NKTR: variants seen among roughly 807,000 people sequenced by gnomAD.
NKTR encodes the protein natural killer cell triggering receptor.
In NKTR, 67 loss-of-function variants were observed where a neutral mutation model predicts 156.3. The observed-to-expected ratio is 0.43, with a 90% confidence interval of 0.35 to 0.53. NKTR has a LOEUF of 0.53. Ranked by LOEUF, NKTR falls within the 20% of genes least tolerant of loss-of-function variation. The pLI, the probability that NKTR is intolerant of heterozygous loss-of-function variation, is 0.01. For missense variants in NKTR, 1,604 were observed against 1,730.9 expected, an observed-to-expected ratio of 0.93 and a Z score of 1.30; for synonymous variants, 640 against 596.6, an observed-to-expected ratio of 1.07 and a Z score of -1.06.
chr3:42,644,557 A>G (rs907496134), intron 16 of NKTR, among the ~76,000 whole-genome samples: 57 of 152,144 alleles, frequency 3.7e-4, no homozygotes, highest in Non-Finnish European at 1.3e-4. Context: ...GTCCATTGCA[A>G]CTGCAATGAT....
At chr3:42,634,328 A>C (rs1310266139) in intron 10 of NKTR, among the ~76,000 whole-genome samples, 1 of 152,256 alleles carries the variant, frequency 6.6e-6, no homozygotes, top group African/African-American at 2.4e-5. Context: ...AAAATGTTTC[A>C]TGAACAGAAA....
At chr3:42,604,721 C>T (rs1706051214) in intron 2 of NKTR, among the ~76,000 whole-genome samples, 1 of 112,554 alleles carries the variant, frequency 8.9e-6, no homozygotes, top group Admixed American at 1.3e-4. Context: ...TGCTCTGTCG[C>T]CCAGGCTGGA....
chr3:42,610,951 C>CA (rs1038464120), intron 2 of NKTR, among the ~76,000 whole-genome samples: 1 of 152,074 alleles, frequency 6.6e-6, no homozygotes, highest in African/African-American at 2.4e-5. Context: ...TGTATACTAT[C>CA]TTATAATTCT....
intron 12 of NKTR, among the ~76,000 whole-genome samples, chr3:42,636,161 G>T (rs1709393222): frequency 6.6e-6 from 1 of 152,176 alleles, no homozygotes; most frequent in South Asian, 2.1e-4. Flanking sequence ...ATGGGACCCT[G>T]TGTAATCTTC....
chr3:42,606,868 CT>C (rs57109449), intron 2 of NKTR, among the ~76,000 whole-genome samples: 3,755 of 150,158 alleles, frequency 0.025, 134 homozygotes, highest in African/African-American at 0.086. Context: ...TTTCGTTTGG[CT>C]TTTTTTTTAG....
rs1237590263 is a variant in NKTR, at chr3:42,638,582, T to A, written c.2878T>A (p.Ser960Thr). 6.2e-7 allele frequency: 1 copy of A among 1,614,044 alleles called. No individual in the cohort carries two copies. The highest frequency in any genetic ancestry group is 8.5e-7 in the Non-Finnish European group (1 of 1,180,004). Reference sequence around the variant, plus strand: ...CAAACAGCGCACATCAACTTCTGACTCTGAGGGGTCCTGTTCCAATTCGGA... The same window carrying A: ...CAAACAGCGCACATCAACTTCTGACACTGAGGGGTCCTGTTCCAATTCGGA... ...SSKQRTSTSD[S>T]EGSCSNSENN... The change falls in exon 13 of 17, where the codon TCT (serine) becomes ACT (threonine). Residue 960 changes from serine to threonine, a missense_variant. Ser to Thr is a moderately conservative substitution (Grantham distance 58). Coordinates refer to ENST00000232978, the MANE Select transcript of NKTR (RefSeq NM_005385.4).
At chr3:42,633,548 A>G (rs751717671) in intron 9 of NKTR, 32 bp from the exon 10 acceptor site, 5 of 1,594,084 alleles carry the variant, frequency 3.1e-6, no homozygotes, top group Non-Finnish European at 3.4e-6. Context: ...CAAACATTAT[A>G]CATTTTAATC....
chr3:42,605,276 A>G (rs930216764), intron 2 of NKTR, among the ~76,000 whole-genome samples: 1 of 152,200 alleles, frequency 6.6e-6, no homozygotes, highest in African/African-American at 2.4e-5. Flanking sequence ...TAGCAAATAG[A>G]TGGGTCTTGT....
At chr3:42,630,167 T>C in intron 6 of NKTR, 2 of 1,022,724 alleles carry the variant, frequency 2.0e-6, no homozygotes, top group Non-Finnish European at 2.3e-6. Flanking sequence ...TCTTATTTAA[T>C]TACGCTGATA....
At chr3:42,617,966 C>T (rs1707538906) in intron 3 of NKTR, among the ~76,000 whole-genome samples, 1 of 152,018 alleles carries the variant, frequency 6.6e-6, no homozygotes, top group Non-Finnish European at 1.5e-5. Flanking sequence ...AATTTCACTA[C>T]TTTGAAAAAA....
At chr3:42,619,149 C>T (rs1707683304) in intron 4 of NKTR, 22 bp downstream of exon 4, 2 of 1,591,256 alleles carry the variant, frequency 1.3e-6, no homozygotes, top group South Asian at 2.3e-5. Context: ...AGTTGTGTTC[C>T]TAATAACTCC....
chr3:42,626,793 C>T (rs1369025251), intron 6 of NKTR, among the ~76,000 whole-genome samples: 1 of 152,012 alleles, frequency 6.6e-6, no homozygotes, highest in African/African-American at 2.4e-5. Context: ...GAAATTTTTG[C>T]TTTCAACTGG....
chr3:42,603,374 A>G (rs639345), intron 2 of NKTR, among the ~76,000 whole-genome samples: 1 of 142,118 alleles, frequency 7.0e-6, no homozygotes, highest in African/African-American at 2.9e-5. Flanking sequence ...AAAAAAAAAA[A>G]AAAAAAAAAA....
Position 42,619,698 on chromosome 3 carries a change from A to T in NKTR, c.276A>T (p.Gly92=). ...NGKGGESIYG[G]YFKDENFILK... ...AAGGTGGAGAATCAATTTATGGTGG[A>T]TATTTTAAAGGTAAGGCTTAATATT... Residue 92 remains glycine (G), a synonymous_variant, in exon 5 of 17, where the codon GGA becomes GGT. Coordinates refer to ENST00000232978, the MANE Select transcript of NKTR (RefSeq NM_005385.4). The T allele has an allele frequency of 6.2e-7, 1 of 1,610,552 alleles. No individual in the cohort carries two copies. Among genetic ancestry groups the T allele is most frequent in the Non-Finnish European group, 8.5e-7 (1 of 1,177,614 alleles).
Position 42,604,659 on chromosome 3 carries a change from C to CTTTTTTTTTTTTTTTTTTTTTTTTTT in NKTR, c.58+3609_58+3634dup, listed in dbSNP as rs71072726. Among the ~76,000 whole-genome samples the CTTTTTTTTTTTTTTTTTTTTTTTTTT allele has an allele frequency of 1.5e-4, 7 of 45,294 alleles. 1 individual carries two copies. The highest frequency in any genetic ancestry group is 4.8e-4 in the East Asian group (1 of 2,072). 29.7% of individuals were successfully genotyped at this position (45,294 alleles called of 152,430 possible). A position where few individuals can be genotyped will look rare whatever the true frequency, so the allele number is the denominator to read the frequency against. ...AATTGTGGATTTATCTATTTCTCTC[C>CTTTTTTTTTTTTTTTTTTTTTTTTTT]TTTTTTTTTTTTTTTTTTTTTTTTT... On this transcript the variant is annotated intron_variant, in intron 2 of 16. Transcript: ENST00000232978.
chr3:42,633,439 T>A, intron 9 of NKTR, 141 bp from the exon 10 acceptor site: 1 of 1,417,146 alleles, frequency 7.1e-7, no homozygotes, highest in Non-Finnish European at 9.2e-7. Context: ...ATTGTTCTCT[T>A]TGTGAAAATC....
In NKTR at chr3:42,631,216, C is replaced by T. The variant is rs1202399257; in HGVS notation, c.450C>T (p.Ile150=). ...TGGTTATTTCTGGTTTTGAAGTAAT[C>T]GAACAAATTGAAAATCTGAAGACCG... is the stretch of plus-strand genomic sequence containing the variant. ...FGLVISGFEV[I]EQIENLKTDA... The change falls in exon 8 of 17, where the codon ATC becomes ATT. Residue 150 remains isoleucine, a synonymous_variant. Transcript: ENST00000232978. 57 of 1,613,832 alleles carry T rather than the reference C, an allele frequency of 3.5e-5. No homozygotes were observed. Among genetic ancestry groups the T allele is most frequent in the Non-Finnish European group, 4.3e-5 (51 of 1,179,968 alleles).
chr3:42,611,313 G>A (rs927111912), intron 2 of NKTR: 6 of 151,962 alleles, frequency 3.9e-5, no homozygotes, highest in Non-Finnish European at 7.4e-5. Flanking sequence ...AAGTTGTTTC[G>A]GCCTTATATT....
Position 42,643,362 on chromosome 3 carries a change from G to A in NKTR, c.4166G>A (p.Arg1389Lys). 1 of 1,614,132 alleles carries A rather than the reference G, an allele frequency of 6.2e-7. No individual in the cohort carries two copies. ...SHRTSSRSRS[R>K]SSSYDPHSRS... ...AGGACGTCCAGCAGGAGCAGATCCA[G>A]GAGCAGCTCATATGATCCCCACAGT... is the stretch of plus-strand genomic sequence containing the variant. The change falls in exon 15 of 17, where the codon AGG becomes AAG. Residue 1389 changes from arginine (R) to lysine (K), a missense_variant. Physicochemically the swap from Arg to Lys is conservative, Grantham distance 26. Transcript: ENST00000232978.
Sources: allele counts gnomAD v4.1 joint callset (sites outside exome capture counted in the v4.1 genomes callset), GRCh38; gene constraint gnomAD v4.1.1; transcripts MANE v1.5; gene names NCBI Gene and HGNC (gene_info 2026-07-23, HGNC 2026-07-21).